Variants in PIGS observed in about 807,000 individuals in gnomAD.
PIGS encodes phosphatidylinositol glycan anchor biosynthesis class S.
Under a neutral mutation model 58.2 loss-of-function variants are expected in PIGS, and 37 were observed. The ratio of observed to expected loss-of-function variants is 0.64; its 90% CI spans 0.49 to 0.84. The LOEUF is 0.84. Among genes scored for constraint, PIGS ranks in the 40% least tolerant of loss-of-function variants. PIGS has a pLI of 0.00. For synonymous variants in PIGS, 269 were observed against 289.2 expected (o/e 0.93, Z 0.71); for missense variants, 629 against 710.8 (o/e 0.88, Z 1.31).
intron 3 of PIGS, among the ~76,000 whole-genome samples, chr17:28,569,023 G>T (rs1416008414): frequency 1.3e-5 from 2 of 151,524 alleles, no homozygotes; most frequent in Admixed American, 1.3e-4. Context: ...TTTGAACCCA[G>T]GAGGCAGAGG....
At chr17:28,561,820 G>A (rs931476564) in intron 5 of PIGS, 191 bp from the exon 6 acceptor site, 21 of 580,730 alleles carry the variant, frequency 3.6e-5, no homozygotes, top group Admixed American at 2.4e-4. Context: ...ATTTGTCTCC[G>A]TTCTCTTCTT....
intron 6 of PIGS, 83 bp from the exon 7 acceptor site, chr17:28,560,274 T>C (rs2070355571): frequency 6.8e-7 from 1 of 1,476,600 alleles, no homozygotes; most frequent in East Asian, 2.3e-5. Flanking sequence ...TGAGCTGAAC[T>C]TGTTTCTCCT....
At position 28,561,668 on chromosome 17, in the gene PIGS, G is replaced by C. The variant is rs1465380136; in HGVS notation, c.469-39C>G. 5 of 1,571,052 alleles carry C rather than the reference G, an allele frequency of 3.2e-6. No individual in the cohort carries two copies. The Admixed American group carries it at 9.1e-5, about 29-fold the overall frequency. On this transcript the variant is annotated intron_variant, in intron 5 of 11. Transcript: ENST00000308360. Reference sequence around the variant, plus strand: ...CAAGAGACAGAATGCCCATGGCTCAGAAAAGAAAGCCAAAAAGCACCCTGG... The same window carrying C: ...CAAGAGACAGAATGCCCATGGCTCACAAAAGAAAGCCAAAAAGCACCCTGG...
Position 28,571,453 on chromosome 17 carries a change from C to T in PIGS, c.34+10G>A, listed in dbSNP as rs758506056. The stretch of plus-strand genomic sequence containing the variant: ...CTAGCTGCAGGCCCCCCACCCGAAG[C>T]CCACCGCACCTAGGTGTGTAGCCGC... On this transcript the variant is annotated intron_variant, in intron 1 of 11. Transcript: ENST00000308360. The T allele has an allele frequency of 1.9e-6, 3 of 1,610,020 alleles. No homozygotes were observed. Among genetic ancestry groups the T allele is most frequent in the Non-Finnish European group, 2.5e-6 (3 of 1,178,528 alleles).
chr17:28,561,275 A>AAT (rs1567615928), intron 6 of PIGS, 147 bp downstream of exon 6: 82 of 491,318 alleles, frequency 1.7e-4, no homozygotes, highest in Non-Finnish European at 2.2e-4. Flanking sequence ...TAACTAAAAA[A>AAT]AATAATAATA....
intron 2 of PIGS, 23 bp downstream of exon 2, chr17:28,571,026 A>T: frequency 6.2e-7 from 1 of 1,613,626 alleles, no homozygotes; most frequent in Non-Finnish European, 8.5e-7. Context: ...CTGTCCCCCG[A>T]CCCTCCCGCA....
Position 28,571,459 on chromosome 17 carries a change from G to A in PIGS, c.34+4C>T, listed in dbSNP as rs897196136. ...GCAGGCCCCCCACCCGAAGCCCACC[G>A]CACCTAGGTGTGTAGCCGCAGCCCC... On this transcript the variant is annotated splice_donor_region_variant and intron_variant, in intron 1 of 11. Coordinates refer to ENST00000308360, the MANE Select transcript of PIGS (RefSeq NM_033198.4). 4 of 1,609,954 alleles carry A rather than the reference G, an allele frequency of 2.5e-6. No homozygotes were observed. The African/African-American group carries it at 5.3e-5, about 22-fold the overall frequency.
chr17:28,561,638 G>T lies in PIGS; in HGVS notation c.469-9C>A, dbSNP rs552183394. ...ATGTAGCTCATCATGTCCTGTGGGG[G>T]TGAGCAAGAGACAGAATGCCCATGG... is the stretch of plus-strand genomic sequence containing the variant. On this transcript the variant is annotated splice_polypyrimidine_tract_variant and intron_variant, in intron 5 of 11. Coordinates refer to ENST00000308360, the MANE Select transcript of PIGS (RefSeq NM_033198.4). The T allele has an allele frequency of 2.5e-6, 4 of 1,606,466 alleles. No individual in the cohort carries two copies. The highest frequency in any genetic ancestry group is 3.4e-6 in the Non-Finnish European group (4 of 1,175,828).
chr17:28,558,441 G>A lies in PIGS; in HGVS notation c.934+35C>T, dbSNP rs773183136. ...GCCGTCAGGGTCCCTCCCTAGCCTG[G>A]CAGAAAAGAAAGACCCTCATCCTTA... On this transcript the variant is annotated intron_variant, in intron 8 of 11. Coordinates refer to ENST00000308360, the MANE Select transcript of PIGS (RefSeq NM_033198.4). 8.5e-5 allele frequency: 130 copies of A among 1,531,910 alleles called. No homozygotes were observed. In the South Asian group the frequency reaches 1.3e-3, roughly 16 times the overall value. The allele number at this position is 1,531,910 out of a possible 1,614,324, so 94.9% of individuals were successfully genotyped here. A position where few individuals can be genotyped will look rare whatever the true frequency, so the allele number is the denominator to read the frequency against.
chr17:28,560,015 T>A (rs144845508), intron 7 of PIGS, 34 bp downstream of exon 7: 39,772 of 1,578,538 alleles, frequency 0.025, 655 homozygotes, highest in South Asian at 0.034. Context: ...GTATAGACAT[T>A]GAAAAGGACT....
rs139360802 is a variant in PIGS at position 28,556,812 on chromosome 17, T to C, written c.1080+15A>G. 3.5e-4 allele frequency: 569 copies of C among 1,612,280 alleles called. 1 individual carries two copies. The highest frequency in any genetic ancestry group is 7.2e-4 in the Admixed American group (43 of 59,664). ...AGAAGCATGGGCTCTGGGGTCTGCG[T>C]AGTGTGACTATTACCATAATGCCAC... On this transcript the variant is annotated intron_variant, in intron 9 of 11. Coordinates refer to ENST00000308360, the MANE Select transcript of PIGS (RefSeq NM_033198.4).
chr17:28,567,970 T>C (rs1427921081), intron 3 of PIGS, among the ~76,000 whole-genome samples: 2 of 152,204 alleles, frequency 1.3e-5, no homozygotes, highest in African/African-American at 4.8e-5. Flanking sequence ...TCGAATGTCC[T>C]CTTTTCAATG....
At position 28,563,482 on chromosome 17, in the gene PIGS, C is replaced by G; in HGVS notation, c.417G>C (p.Glu139Asp). 6.2e-7 allele frequency: 1 copy of G among 1,614,050 alleles called. No individual in the cohort carries two copies. The highest frequency in any genetic ancestry group is 1.1e-5 in the South Asian group (1 of 91,082). Reference protein sequence around the residue: ...AMLDEPQEQAEGSLTVYVISE... With the variant: ...AMLDEPQEQADGSLTVYVISE... ...ATATCACGTACACAGTCAGGGAGCC[C>G]TCCGCTTGTTCCTGAGGCTCATCTA... Residue 139 changes from glutamate to aspartate, a missense_variant, in exon 5 of 12, where the codon GAG becomes GAC. By Grantham distance (45) the Glu-to-Asp change is conservative. Coordinates refer to ENST00000308360, the MANE Select transcript of PIGS (RefSeq NM_033198.4).
In PIGS at chr17:28,554,043, A is replaced by G; in HGVS notation, c.*177T>C. 1 of 776,512 alleles carries G rather than the reference A, an allele frequency of 1.3e-6. No individual in the cohort carries two copies. Among genetic ancestry groups the G allele is most frequent in the Non-Finnish European group, 2.0e-6 (1 of 496,874 alleles). 48.1% of individuals were successfully genotyped at this position (776,512 alleles called of 1,614,324 possible). A position where few individuals can be genotyped will look rare whatever the true frequency, so the allele number is the denominator to read the frequency against. ...AGGAGGATTGAGCCAGGTGAATGGG[A>G]AAGGAAGAAAAGATGAACCCATCTT... On this transcript the variant is annotated 3_prime_UTR_variant, in exon 12 of 12. Transcript: ENST00000308360.
intron 3 of PIGS, among the ~76,000 whole-genome samples, chr17:28,564,942 T>C (rs1483120157): frequency 2.0e-5 from 3 of 152,192 alleles, no homozygotes; most frequent in African/African-American, 4.8e-5. Context: ...TCTGTAAAGT[T>C]AGTAATAAAA....
chr17:28,554,517 A>G (rs1318412474), intron 11 of PIGS, 22 bp from the exon 12 acceptor site: 1 of 1,609,100 alleles, frequency 6.2e-7, no homozygotes. Flanking sequence ...AAGGGACAAG[A>G]GGGTATACCA....
rs961243119 is a variant in PIGS at position 28,563,961 on chromosome 17, C to T, written c.287-54G>A. 8.7e-6 allele frequency: 13 copies of T among 1,490,036 alleles called. No homozygotes were observed. In the African/African-American group the frequency reaches 1.7e-4, roughly 19 times the overall value. The allele number at this position is 1,490,036 out of a possible 1,614,324, so 92.3% of individuals were successfully genotyped here. A position where few individuals can be genotyped will look rare whatever the true frequency, so the allele number is the denominator to read the frequency against. ...AAAGGGCAAGCATCATGCCTCTGCC[C>T]ACCTTCCCAGACCTAACACTGTCCA... is the stretch of plus-strand genomic sequence containing the variant. On this transcript the variant is annotated intron_variant, in intron 3 of 11. Transcript: ENST00000308360.
At chr17:28,570,650 T>C (rs910267932) in intron 3 of PIGS, among the ~76,000 whole-genome samples, 12 of 152,248 alleles carry the variant, frequency 7.9e-5, no homozygotes, top group Non-Finnish European at 1.8e-4. Flanking sequence ...TCCGATTAGG[T>C]AGCCTGTCTT....
intron 8 of PIGS, chr17:28,557,422 C>T (rs2070338126): frequency 5.5e-6 from 1 of 181,364 alleles, no homozygotes; most frequent in Non-Finnish European, 1.1e-5. Context: ...CCGGCTTCAT[C>T]TTTGGTCACT....
Sources: allele counts gnomAD v4.1 joint callset (sites outside exome capture counted in the v4.1 genomes callset), GRCh38; gene constraint gnomAD v4.1.1; transcripts MANE v1.5; gene names NCBI Gene and HGNC (gene_info 2026-07-23, HGNC 2026-07-21).